FOXM1: variants seen among roughly 807,000 people sequenced by gnomAD.
FOXM1 encodes the protein forkhead box protein M1.
Under a neutral mutation model 63.6 loss-of-function variants are expected in FOXM1, and 25 were observed. The ratio of observed to expected loss-of-function variants is 0.39; its 90% CI spans 0.29 to 0.55. The LOEUF is 0.55. Among genes scored for constraint, FOXM1 ranks in the 20% least tolerant of loss-of-function variants. FOXM1 has a pLI of 0.60. For missense variants in FOXM1, 879 were observed against 958.7 expected, an observed-to-expected ratio of 0.92 and a Z score of 1.10; for synonymous variants, 387 against 376.9, an observed-to-expected ratio of 1.03 and a Z score of -0.31.
chr12:2,874,513 A>C lies in FOXM1; in HGVS notation c.-35T>G. ...GCGTTTTCACTCTCCATTGAGAATC[A>C]CAAGTGTGGACCCTGGAAAATGCAA... On this transcript the variant is annotated 5_prime_UTR_variant, in exon 2 of 9. Transcript: ENST00000359843. The surrounding 1 kb of genome is among the most constrained non-coding windows in gnomAD (Gnocchi z 4.3). 6.4e-7 allele frequency: 1 copy of C among 1,558,164 alleles called. No individual in the cohort carries two copies. The highest frequency in any genetic ancestry group is 8.6e-7 in the Non-Finnish European group (1 of 1,157,604).
At chr12:2,867,832 G>A (rs985417187) in intron 4 of FOXM1, among the ~76,000 whole-genome samples, 1 of 151,264 alleles carries the variant, frequency 6.6e-6, no homozygotes, top group African/African-American at 2.4e-5. Context: ...AAAAAAATTA[G>A]CCAGGCGTGG....
chr12:2,875,229 G>A (rs1464648997), intron 1 of FOXM1, among the ~76,000 whole-genome samples: 1 of 152,142 alleles, frequency 6.6e-6, no homozygotes. Context: ...CTGACCTCAG[G>A]TCATCTGCCC....
chr12:2,869,039 G>A (rs1280976535), intron 3 of FOXM1, among the ~76,000 whole-genome samples: 1 of 152,166 alleles, frequency 6.6e-6, no homozygotes, highest in Non-Finnish European at 1.5e-5. Flanking sequence ...GAAAGTTTGA[G>A]TATGTACTTT....
In FOXM1 at chr12:2,864,539, C is replaced by T. The variant is rs777501246; in HGVS notation, c.1091-44G>A. On this transcript the variant is annotated intron_variant, in intron 7 of 8. Coordinates refer to ENST00000359843, the MANE Select transcript of FOXM1 (RefSeq NM_021953.4). This position sits in a 1 kb window ranked among gnomAD's most constrained non-coding sequence, Gnocchi z 5.1. ...GATCAGGAGCAGGGGGACTGGAGTACACCCCTTCTCAGCCCCAGGAGCTTT... is the reference window on the plus strand; with the variant it reads ...GATCAGGAGCAGGGGGACTGGAGTATACCCCTTCTCAGCCCCAGGAGCTTT... The T allele has an allele frequency of 4.4e-5, 70 of 1,591,310 alleles. No homozygotes were observed. Among genetic ancestry groups the T allele is most frequent in the Middle Eastern group, 3.4e-4 (2 of 5,970 alleles).
intron 4 of FOXM1, chr12:2,868,266 C>T (rs141835246): frequency 1.3e-3 from 332 of 260,498 alleles, no homozygotes; most frequent in Non-Finnish European, 2.0e-3. Context: ...AACTACTTAG[C>T]CACTCTAGCT....
At position 2,859,148 on chromosome 12, in the gene FOXM1, C is replaced by T; in HGVS notation, c.1782G>A (p.Val594=). 6.8e-6 allele frequency: 11 copies of T among 1,606,534 alleles called. No homozygotes were observed. Among genetic ancestry groups the T allele is most frequent in the Non-Finnish European group, 9.3e-6 (11 of 1,176,494 alleles). Residue 594 remains valine (V), a synonymous_variant, in exon 9 of 9, where the codon GTG becomes GTA. Transcript: ENST00000359843. ...TAATGGGTGTCTTAAAAGGTCCTCC[C>T]ACTTCCTGGGAGTAGCTGAGCTGGG... The part of the protein sequence containing the change: ...PASQLSYSQE[V]GGPFKTPIKE...
chr12:2,863,150 T>C (rs1039118132), intron 8 of FOXM1, among the ~76,000 whole-genome samples: 8 of 152,226 alleles, frequency 5.3e-5, no homozygotes, highest in African/African-American at 1.9e-4. Context: ...CTGTGGTGGG[T>C]GCTACTGGCG....
chr12:2,870,381 T>C (rs960284226), intron 3 of FOXM1, among the ~76,000 whole-genome samples: 1 of 152,224 alleles, frequency 6.6e-6, no homozygotes, highest in African/African-American at 2.4e-5. Flanking sequence ...AAGTAGGAAC[T>C]AGGCTGGGTA....
Position 2,864,404 on chromosome 12 carries a change from C to A in FOXM1, c.1182G>T (p.Ser394=). The part of the protein sequence containing the change: ...PVNQSLVLQP[S]VKVPLPLAAS... ...CCGCCAGGGGCAATGGCACCTTCAC[C>A]GAGGGCTGCAACACCAGTGACTGGT... Residue 394 remains serine (S), a synonymous_variant, in exon 8 of 9, where the codon TCG becomes TCT. Transcript: ENST00000359843. This position sits in a 1 kb window ranked among gnomAD's most constrained non-coding sequence, Gnocchi z 5.1. 1 of 1,614,148 alleles carries A rather than the reference C, an allele frequency of 6.2e-7. No individual in the cohort carries two copies. Among genetic ancestry groups the A allele is most frequent in the South Asian group, 1.1e-5 (1 of 91,090 alleles).
At position 2,872,169 on chromosome 12, in the gene FOXM1, C is replaced by A; in HGVS notation, c.581G>T (p.Gly194Val). The A allele has an allele frequency of 1.9e-6, 3 of 1,614,214 alleles. 1 individual carries two copies. Among genetic ancestry groups the A allele is most frequent in the Non-Finnish European group, 2.5e-6 (3 of 1,180,036 alleles). Reference sequence around the variant, plus strand: ...TTGCTTGATGCTGCGGGAGCCCAGTCCATCAGAACTCATCTTTCGAAGCCA... The same window carrying A: ...TTGCTTGATGCTGCGGGAGCCCAGTACATCAGAACTCATCTTTCGAAGCCA... The part of the protein sequence containing the change: ...IQWLRKMSSD[G>V]LGSRSIKQEM... The change falls in exon 3 of 9, where the codon GGA becomes GTA. Residue 194 changes from glycine to valine, a missense_variant. By Grantham distance (109) the Gly-to-Val change is moderately radical. Coordinates refer to ENST00000359843, the MANE Select transcript of FOXM1 (RefSeq NM_021953.4). The surrounding 1 kb of genome is among the most constrained non-coding windows in gnomAD (Gnocchi z 4.0).
chr12:2,874,946 T>A lies in FOXM1; in HGVS notation c.-47-421A>T, dbSNP rs12818029. ...AGCATATGGTAATTAGGAGTCCTGA[T>A]GAAACTCTGATCCCATAATCCATTC... is the stretch of plus-strand genomic sequence containing the variant. On this transcript the variant is annotated intron_variant, in intron 1 of 8. Transcript: ENST00000359843. This position sits in a 1 kb window ranked among gnomAD's most constrained non-coding sequence, Gnocchi z 4.3. 0.15 allele frequency among the ~76,000 whole-genome samples: 22,487 copies of A among 151,812 alleles called. 1,987 individuals carry two copies. The highest frequency in any genetic ancestry group is 0.26 in the South Asian group (1,238 of 4,808).
chr12:2,875,727 C>CT (rs11427501), intron 1 of FOXM1, among the ~76,000 whole-genome samples: 142,349 of 144,684 alleles, frequency 0.98, 70,064 homozygotes, highest in East Asian at 1. Context: ...ACAGTGTAGT[C>CT]TTTTTTTTTT....
chr12:2,865,304 C>T (rs753621470), intron 6 of FOXM1, 51 bp downstream of exon 6: 8 of 1,491,496 alleles, frequency 5.4e-6, no homozygotes, highest in African/African-American at 1.4e-5. Flanking sequence ...CCATGCTGAG[C>T]AGTGAAAGGA....
intron 3 of FOXM1, among the ~76,000 whole-genome samples, chr12:2,870,468 T>G (rs1178636614): frequency 6.7e-6 from 1 of 149,222 alleles, no homozygotes; most frequent in African/African-American, 2.5e-5. Context: ...ATTGAGACCA[T>G]CCTGGCCACC....
At chr12:2,866,725 C>A (rs114917364) in intron 4 of FOXM1, among the ~76,000 whole-genome samples, 1 of 152,152 alleles carries the variant, frequency 6.6e-6, no homozygotes, top group Non-Finnish European at 1.5e-5. Context: ...ATCTATTCTA[C>A]GGGAATAAAG....
intron 8 of FOXM1, chr12:2,861,441 TAAATA>T (rs1336270171): frequency 1.7e-6 from 1 of 573,718 alleles, no homozygotes; most frequent in East Asian, 3.1e-5. Context: ...TAAAAATAAA[TAAATA>T]AAACATTTTA....
chr12:2,875,737 T>TC (rs375977023), intron 1 of FOXM1, among the ~76,000 whole-genome samples: 4 of 151,158 alleles, frequency 2.6e-5, no homozygotes, highest in Admixed American at 2.6e-4. Flanking sequence ...CTTTTTTTTT[T>TC]AAGTCTTTTG....
intron 6 of FOXM1, chr12:2,865,056 C>A: frequency 1.7e-6 from 1 of 583,324 alleles, no homozygotes; most frequent in Non-Finnish European, 3.1e-6. Context: ...AAGCTAGGCA[C>A]AAAAGTGAGC....
intron 8 of FOXM1, among the ~76,000 whole-genome samples, chr12:2,860,212 A>G (rs1032368705): frequency 6.6e-6 from 1 of 152,238 alleles, no homozygotes; most frequent in Non-Finnish European, 1.5e-5. Flanking sequence ...AAGAGATACC[A>G]TAAACAAAGT....
Sources: allele counts gnomAD v4.1 joint callset (sites outside exome capture counted in the v4.1 genomes callset), GRCh38; gene constraint gnomAD v4.1.1; non-coding constraint Gnocchi (gnomAD v3.1); transcripts MANE v1.5; gene names NCBI Gene and HGNC (gene_info 2026-07-23, HGNC 2026-07-21).